TMEM236: variants seen among roughly 807,000 people sequenced by gnomAD.
TMEM236 encodes family with sequence similarity 23, member A.
In TMEM236, 11 loss-of-function variants were observed where a neutral mutation model predicts 14.7. The observed-to-expected ratio is 0.75, with a 90% CI of 0.47 to 1.24. The LOEUF (loss-of-function observed/expected upper bound fraction) is 1.24, where lower values mean the gene tolerates loss of function less well. TMEM236 is among the 50% of genes most tolerant of loss of function. The pLI, the probability that TMEM236 is intolerant of heterozygous loss-of-function variation, is 0.00. For synonymous variants in TMEM236, 182 were observed against 168.6 expected, an observed-to-expected ratio of 1.08 and a Z score of -0.62; for missense variants, 464 against 427.3, an observed-to-expected ratio of 1.09 and a Z score of -0.76.
chr10:17,787,203 G>C (rs1303264931), intron 3 of TMEM236, among the ~76,000 whole-genome samples: 1 of 152,224 alleles, frequency 6.6e-6, no homozygotes, highest in African/African-American at 2.4e-5. Flanking sequence ...TGCTGCTGCT[G>C]TTGGTGCCAA....
intron 3 of TMEM236, among the ~76,000 whole-genome samples, chr10:17,793,786 TATTA>T (rs1440511358): frequency 2.6e-5 from 4 of 152,162 alleles, no homozygotes; most frequent in Non-Finnish European, 5.9e-5. Context: ...CCTGGCTCTA[TATTA>T]ATTTTTTAAA....
intron 3 of TMEM236, among the ~76,000 whole-genome samples, chr10:17,777,619 C>G (rs1837680008): frequency 2.0e-5 from 3 of 151,790 alleles, no homozygotes; most frequent in African/African-American, 7.3e-5. Context: ...TCTGATGACT[C>G]TGTATTTTCC....
At chr10:17,776,692 T>C (rs1837662937) in intron 3 of TMEM236, among the ~76,000 whole-genome samples, 1 of 152,140 alleles carries the variant, frequency 6.6e-6, no homozygotes, top group South Asian at 2.1e-4. Context: ...CCCAGCATTT[T>C]TGGAGGCCAG....
intron 1 of TMEM236, among the ~76,000 whole-genome samples, chr10:17,754,105 G>A (rs1837248686): frequency 6.6e-6 from 1 of 152,202 alleles, no homozygotes; most frequent in Admixed American, 6.6e-5. Flanking sequence ...AGTAGTAAAT[G>A]TTGGACTTAA....
intron 1 of TMEM236, among the ~76,000 whole-genome samples, chr10:17,770,171 C>G (rs373005646): frequency 0.058 from 8,846 of 152,130 alleles, 319 homozygotes; most frequent in Non-Finnish European, 0.081. Context: ...TGATTTCATT[C>G]TTTTTTATGA....
chr10:17,777,851 GCCTCAGCCTC>G (rs1837684021), intron 3 of TMEM236, among the ~76,000 whole-genome samples: 1 of 152,162 alleles, frequency 6.6e-6, no homozygotes, highest in Non-Finnish European at 1.5e-5. Context: ...CAATTCTCCT[GCCTCAGCCTC>G]CCGAGTAGCT....
At chr10:17,770,316 A>AGGT (rs1837548252) in intron 1 of TMEM236, among the ~76,000 whole-genome samples, 3 of 152,226 alleles carry the variant, frequency 2.0e-5, no homozygotes, top group African/African-American at 4.8e-5. Context: ...ACCTTTGAGC[A>AGGT]GGTATCTTTT....
rs1028089304 is a variant in TMEM236, at chr10:17,775,846, T to C, written c.331-183T>C. On this transcript the variant is annotated intron_variant, in intron 2 of 3. Transcript: ENST00000377495. Reference sequence around the variant, plus strand: ...ATGCTTCCATTGATATGAGTCCTTATGACAGCTTTAGAAATGATTCAAAAC... The same window carrying C: ...ATGCTTCCATTGATATGAGTCCTTACGACAGCTTTAGAAATGATTCAAAAC... Among the ~76,000 whole-genome samples the C allele has an allele frequency of 3.3e-5, 5 of 152,338 alleles. No homozygotes were observed. In the South Asian group the frequency reaches 1.0e-3, roughly 32 times the overall value.
intron 1 of TMEM236, among the ~76,000 whole-genome samples, chr10:17,764,171 A>G (rs1324653413): frequency 4.6e-5 from 7 of 152,228 alleles, no homozygotes; most frequent in African/African-American, 1.7e-4. Flanking sequence ...CCAAGTTCTC[A>G]TCTGATCCTT....
chr10:17,778,923 C>G (rs1213295577), intron 3 of TMEM236, among the ~76,000 whole-genome samples: 1 of 152,190 alleles, frequency 6.6e-6, no homozygotes, highest in Non-Finnish European at 1.5e-5. Flanking sequence ...GTGGAAATCT[C>G]TCAGTATCAA....
chr10:17,795,475 T>C (rs1464332757), intron 3 of TMEM236, among the ~76,000 whole-genome samples: 1 of 152,184 alleles, frequency 6.6e-6, no homozygotes, highest in East Asian at 1.9e-4. Context: ...AAACCAATAA[T>C]GTTTGTTATT....
At chr10:17,786,953 A>G (rs35724166) in intron 3 of TMEM236, among the ~76,000 whole-genome samples, 10,847 of 152,176 alleles carry the variant, frequency 0.071, 611 homozygotes, top group East Asian at 0.18. Context: ...CCGCTTTTGC[A>G]TCTTCTTCAT....
chr10:17,770,138 C>T (rs1386775527), intron 1 of TMEM236, among the ~76,000 whole-genome samples: 11 of 152,144 alleles, frequency 7.2e-5, no homozygotes, highest in South Asian at 2.1e-4. Flanking sequence ...CCTCCAGCTA[C>T]AGCCATGTTG....
chr10:17,779,628 C>T (rs1332167535), intron 3 of TMEM236, among the ~76,000 whole-genome samples: 6 of 152,218 alleles, frequency 3.9e-5, no homozygotes, highest in Non-Finnish European at 7.4e-5. Context: ...CCAGGCTGGT[C>T]TTGAACTCCT....
In TMEM236 at chr10:17,798,068, C is replaced by T; in HGVS notation, c.*1564C>T. On this transcript the variant is annotated 3_prime_UTR_variant, in exon 4 of 4. Transcript: ENST00000377495. ...ACAGAGTCATGCAACTTGCTTTCAC[C>T]CTGTTGGGACACTCTGAACAGTCAG... 1 of 158,104 alleles carries T rather than the reference C, an allele frequency of 6.3e-6. No homozygotes were observed. The highest frequency in any genetic ancestry group is 1.4e-5 in the Non-Finnish European group (1 of 71,240). The allele number at this position is 158,104 out of a possible 1,614,324, so 9.8% of individuals were successfully genotyped here. A position where few individuals can be genotyped will look rare whatever the true frequency, so the allele number is the denominator to read the frequency against.
At chr10:17,785,726 C>T (rs1239246146) in intron 3 of TMEM236, among the ~76,000 whole-genome samples, 1 of 151,978 alleles carries the variant, frequency 6.6e-6, no homozygotes, top group Non-Finnish European at 1.5e-5. Context: ...ATGAGGAACA[C>T]TGTGTCCGGG....
chr10:17,778,893 C>G lies in TMEM236; in HGVS notation c.472+2723C>G, dbSNP rs1409894328. On this transcript the variant is annotated intron_variant, in intron 3 of 3. Coordinates refer to ENST00000377495, the MANE Select transcript of TMEM236 (RefSeq NM_001098844.3). Reference sequence around the variant, plus strand: ...TCTTCACCGGACCAAGGAATCCTTTCTACTAACTTCGTATTACCAGTGGAA... The same window carrying G: ...TCTTCACCGGACCAAGGAATCCTTTGTACTAACTTCGTATTACCAGTGGAA... 4.6e-5 allele frequency among the ~76,000 whole-genome samples: 7 copies of G among 152,298 alleles called. No individual in the cohort carries two copies. The East Asian group carries it at 1.3e-3, about 29-fold the overall frequency.
intron 2 of TMEM236, among the ~76,000 whole-genome samples, chr10:17,772,003 C>G (rs923199732): frequency 6.6e-6 from 1 of 151,986 alleles, no homozygotes; most frequent in East Asian, 1.9e-4. Flanking sequence ...TTTATTTTCC[C>G]AAAGCATACT....
At chr10:17,768,756 T>C (rs1309603027) in intron 1 of TMEM236, among the ~76,000 whole-genome samples, 2 of 151,736 alleles carry the variant, frequency 1.3e-5, no homozygotes, top group East Asian at 3.9e-4. Context: ...TGTGTGTGTG[T>C]GTGTGCCTGT....
Sources: allele counts gnomAD v4.1 joint callset (sites outside exome capture counted in the v4.1 genomes callset), GRCh38; gene constraint gnomAD v4.1.1; transcripts MANE v1.5; gene names NCBI Gene and HGNC (gene_info 2026-07-23, HGNC 2026-07-21).